DCAF6: variants seen among roughly 807,000 people sequenced by gnomAD.
DCAF6 encodes DDB1- and CUL4-associated factor 6.
DCAF6 carries 54 observed loss-of-function variants against 125.1 expected under a neutral mutation model. The observed-to-expected ratio is 0.43, with a 90% confidence interval of 0.35 to 0.54. The LOEUF (loss-of-function observed/expected upper bound fraction) is 0.54, where lower values mean the gene tolerates loss of function less well. DCAF6 is among the 20% of genes least tolerant of loss of function. The pLI is 0.01. For missense variants in DCAF6, 934 were observed against 1,161.7 expected (o/e 0.80, Z 2.85); for synonymous variants, 371 against 390.4 (o/e 0.95, Z 0.58).
the DCAF6 span, among the ~76,000 whole-genome samples, chr1:167,871,254 C>T: frequency 2.0e-5 from 3 of 152,210 alleles, no homozygotes; most frequent in African/African-American, 7.2e-5. Context: ...ATACTTAATT[C>T]AGGGCTACAA....
chr1:168,049,431 G>GTTTTTTTTTTT (rs11369573), intron 16 of DCAF6, among the ~76,000 whole-genome samples: 3 of 101,230 alleles, frequency 3.0e-5, no homozygotes, highest in Non-Finnish European at 5.6e-5. Context: ...TGTTGTTGTT[G>GTTTTTTTTTTT]TTTTTTTTTT....
the DCAF6 span, chr1:167,924,596 T>G: frequency 4.7e-5 from 59 of 1,244,654 alleles, no homozygotes; most frequent in Admixed American, 1.4e-3. Flanking sequence ...TACACGTCTT[T>G]TAACAGCTGT....
upstream of DCAF6, among the ~76,000 whole-genome samples, chr1:167,932,869 TTCA>T (rs1670949964): frequency 6.6e-6 from 1 of 150,764 alleles, no homozygotes; most frequent in South Asian, 2.1e-4. Flanking sequence ...GCAACATAAC[TTCA>T]AGATTATTTC....
At chr1:167,896,215 T>A in the DCAF6 span, among the ~76,000 whole-genome samples, 1 of 152,170 alleles carries the variant, frequency 6.6e-6, no homozygotes, top group African/African-American at 2.4e-5. Flanking sequence ...ATTTATTGGA[T>A]GAATAAATAA....
At chr1:167,998,794 A>T (rs993335461) in intron 7 of DCAF6, 1 of 153,102 alleles carries the variant, frequency 6.5e-6, no homozygotes, top group South Asian at 2.1e-4. Flanking sequence ...CTGTACTTCT[A>T]ATTCTAGTTC....
In DCAF6 at chr1:168,065,333, A is replaced by G. The variant is rs182365343; in HGVS notation, c.2440-257A>G. Among the ~76,000 whole-genome samples the G allele has an allele frequency of 2.9e-3, 435 of 151,868 alleles. 2 individuals are homozygous for G. The highest frequency in any genetic ancestry group is 9.9e-3 in the African/African-American group (412 of 41,436). On this transcript the variant is annotated intron_variant, in intron 18 of 21. Transcript: ENST00000367840. ...TTTTTGTCAGTTTTTTTTTTTATAG[A>G]TAGGGGATCTCACTATATTGCCCAG...
chr1:168,051,933 T>G (rs1205751079), intron 17 of DCAF6, among the ~76,000 whole-genome samples: 1 of 151,948 alleles, frequency 6.6e-6, no homozygotes, highest in Non-Finnish European at 1.5e-5. Context: ...CAGGCTGTAG[T>G]GCAGTGGCGC....
the DCAF6 span, chr1:167,870,351 T>C: frequency 4.3e-6 from 7 of 1,613,850 alleles, no homozygotes; most frequent in Non-Finnish European, 5.9e-6. Flanking sequence ...ACTTGGCTGC[T>C]GTTAGATATC....
chr1:167,930,218 T>C, the DCAF6 span, among the ~76,000 whole-genome samples: 5 of 152,188 alleles, frequency 3.3e-5, no homozygotes, highest in Non-Finnish European at 7.3e-5. Flanking sequence ...TTTAAAAATG[T>C]TGACTGAAAA....
chr1:167,944,604 T>C (rs968866041), intron 1 of DCAF6, among the ~76,000 whole-genome samples: 2 of 152,252 alleles, frequency 1.3e-5, no homozygotes, highest in African/African-American at 4.8e-5. Flanking sequence ...TGTATGCTTT[T>C]GAAAAATGTC....
intron 1 of DCAF6, among the ~76,000 whole-genome samples, chr1:167,948,058 G>A (rs1673340631): frequency 6.6e-6 from 1 of 150,738 alleles, no homozygotes; most frequent in Admixed American, 6.6e-5. Context: ...AGTGTCGGGT[G>A]CAAATATGTA....
the DCAF6 span, among the ~76,000 whole-genome samples, chr1:167,884,183 C>T: frequency 1.3e-5 from 2 of 152,120 alleles, no homozygotes; most frequent in Non-Finnish European, 2.9e-5. Context: ...AAAGAACTAC[C>T]TGATACTGGG....
intron 1 of DCAF6, among the ~76,000 whole-genome samples, chr1:167,943,509 TTTTA>T (rs1443880860): frequency 6.6e-6 from 1 of 152,336 alleles, no homozygotes; most frequent in South Asian, 2.1e-4. Context: ...TAGATGATAT[TTTTA>T]TTTATTTTTA....
At chr1:168,040,915 G>C (rs921290197) in intron 13 of DCAF6, among the ~76,000 whole-genome samples, 1 of 144,500 alleles carries the variant, frequency 6.9e-6, no homozygotes, top group Non-Finnish European at 1.5e-5. Context: ...CAAACAGGCA[G>C]AACTTAAAAA....
chr1:168,072,895 A>C (rs528368905), intron 21 of DCAF6, among the ~76,000 whole-genome samples: 2 of 152,226 alleles, frequency 1.3e-5, no homozygotes, highest in Non-Finnish European at 2.9e-5. Flanking sequence ...ATTCTAACAG[A>C]ATAAAAGGAA....
At chr1:167,980,973 C>T (rs899022140) in intron 4 of DCAF6, among the ~76,000 whole-genome samples, 1 of 137,246 alleles carries the variant, frequency 7.3e-6, no homozygotes, top group African/African-American at 2.7e-5. Context: ...GTGGTACAAT[C>T]GTGGCTCACT....
chr1:168,066,222 A>G (rs1030327193), intron 19 of DCAF6, among the ~76,000 whole-genome samples, 155 bp from the exon 20 acceptor site: 3 of 152,210 alleles, frequency 2.0e-5, no homozygotes, highest in African/African-American at 4.8e-5. Context: ...CATTTAGCAA[A>G]TTGTCAAAAT....
chr1:168,012,439 TATC>T (rs1188083752), intron 10 of DCAF6, among the ~76,000 whole-genome samples: 1 of 152,238 alleles, frequency 6.6e-6, no homozygotes, highest in Non-Finnish European at 1.5e-5. Context: ...GTTGAATTTT[TATC>T]ATCGTTGTTT....
intron 3 of DCAF6, 79 bp downstream of exon 3, chr1:167,966,800 C>A: frequency 1.2e-6 from 1 of 854,044 alleles, no homozygotes; most frequent in Non-Finnish European, 1.9e-6. Flanking sequence ...TGTGAACAGT[C>A]ATAGAATGGG....
Sources: gnomAD v4.1 joint callset for allele counts (sites outside exome capture counted in the v4.1 genomes callset) on GRCh38, gnomAD v4.1.1 for gene constraint, MANE v1.5 for transcripts, NCBI Gene and HGNC (gene_info 2026-07-23, HGNC 2026-07-21) for gene names.